NRXN3: variants seen among roughly 807,000 people sequenced by gnomAD.
NRXN3 encodes the protein neurexin III.
A neutral mutation model predicts 137.6 loss-of-function variants in NRXN3; 32 were observed. That is an observed-to-expected ratio of 0.23 (90% CI 0.18 to 0.31). The LOEUF (loss-of-function observed/expected upper bound fraction) is 0.31, where lower values mean the gene tolerates loss of function less well. Among genes scored for constraint, NRXN3 ranks in the 10% least tolerant of loss-of-function variants. The pLI is 1.00. For synonymous variants in NRXN3, 798 were observed against 784.5 expected (o/e 1.02, Z -0.29); for missense variants, 1,574 against 2,062.5 (o/e 0.76, Z 4.59).
chr14:78,601,602 G>A (rs149390329), intron 4 of NRXN3, among the ~76,000 whole-genome samples: 2,479 of 151,956 alleles, frequency 0.016, 41 homozygotes, highest in Non-Finnish European at 0.019. Flanking sequence ...ACAGGTACCC[G>A]CCACCACGCC....
chr14:79,769,380 C>T (rs1191971497), intron 19 of NRXN3, among the ~76,000 whole-genome samples: 3 of 151,854 alleles, frequency 2.0e-5, no homozygotes, highest in East Asian at 1.9e-4. Context: ...AGAGAAAGGT[C>T]GGGTTACCCT....
chr14:79,129,966 T>G (rs1197670003), intron 15 of NRXN3, among the ~76,000 whole-genome samples: 4 of 151,330 alleles, frequency 2.6e-5, no homozygotes, highest in Non-Finnish European at 5.9e-5. Context: ...TTTTGTTGGT[T>G]TAAAGTCTGT....
chr14:78,614,655 A>G (rs1040540114), intron 4 of NRXN3, among the ~76,000 whole-genome samples: 7 of 152,126 alleles, frequency 4.6e-5, no homozygotes, highest in Admixed American at 3.9e-4. Context: ...ATATACACAT[A>G]CAACTGTATC....
intron 8 of NRXN3, among the ~76,000 whole-genome samples, chr14:78,747,515 G>A (rs1286229103): frequency 1.3e-5 from 2 of 152,128 alleles, no homozygotes; most frequent in Non-Finnish European, 2.9e-5. Flanking sequence ...TATTTACAGA[G>A]CCCTGGTGCA....
chr14:79,193,853 T>G (rs2064767983), intron 15 of NRXN3, among the ~76,000 whole-genome samples: 3 of 152,248 alleles, frequency 2.0e-5, no homozygotes, highest in African/African-American at 4.8e-5. Context: ...AAGTATGGAA[T>G]AGTTTACCTC....
intron 2 of NRXN3, among the ~76,000 whole-genome samples, chr14:78,275,742 C>G (rs2052156775): frequency 6.6e-6 from 1 of 152,078 alleles, no homozygotes; most frequent in African/African-American, 2.4e-5. Flanking sequence ...CCTTGGAGCT[C>G]AAGTGGGAGT....
chr14:79,589,967 C>T (rs1425848319), intron 16 of NRXN3, among the ~76,000 whole-genome samples: 41 of 152,266 alleles, frequency 2.7e-4, no homozygotes, highest in Admixed American at 2.7e-3. Flanking sequence ...CTGGCAGAAA[C>T]ATGAGTAATA....
At chr14:79,048,501 C>T (rs2099636397) in intron 15 of NRXN3, among the ~76,000 whole-genome samples, 1 of 152,140 alleles carries the variant, frequency 6.6e-6, no homozygotes, top group Non-Finnish European at 1.5e-5. Context: ...GTTATGTTGA[C>T]ACTATTCTGT....
At chr14:78,392,374 A>G (rs2090897212) in intron 4 of NRXN3, among the ~76,000 whole-genome samples, 1 of 152,238 alleles carries the variant, frequency 6.6e-6, no homozygotes, top group Non-Finnish European at 1.5e-5. Context: ...ATAAGTGTTC[A>G]GAGAACAAGC....
intron 10 of NRXN3, among the ~76,000 whole-genome samples, chr14:78,875,887 A>G (rs2099112883): frequency 6.6e-6 from 1 of 152,124 alleles, no homozygotes; most frequent in Non-Finnish European, 1.5e-5. Context: ...AGGATTTCAC[A>G]CTTCTAAGGA....
chr14:79,419,710 C>T (rs915581048), intron 15 of NRXN3, among the ~76,000 whole-genome samples: 1 of 152,110 alleles, frequency 6.6e-6, no homozygotes, highest in Non-Finnish European at 1.5e-5. Context: ...TCAATTCCAG[C>T]TCAACCACTA....
chr14:79,681,106 T>C (rs1416460727), intron 17 of NRXN3, among the ~76,000 whole-genome samples: 1 of 152,180 alleles, frequency 6.6e-6, no homozygotes, highest in Non-Finnish European at 1.5e-5. Flanking sequence ...TGGTAATTCT[T>C]TCCTTAGAAA....
intron 16 of NRXN3, among the ~76,000 whole-genome samples, chr14:79,561,148 A>G (rs547185688): frequency 3.8e-4 from 58 of 152,280 alleles, no homozygotes; most frequent in African/African-American, 1.4e-3. Context: ...GAGAAGAGAG[A>G]AAGAAGCAGG....
chr14:79,620,048 G>C (rs1303269649), intron 16 of NRXN3, among the ~76,000 whole-genome samples: 2 of 152,078 alleles, frequency 1.3e-5, no homozygotes, highest in African/African-American at 4.8e-5. Flanking sequence ...TCTGGAGTTG[G>C]CTCCAGAAGT....
intron 1 of NRXN3, among the ~76,000 whole-genome samples, chr14:78,181,778 G>T (rs1038159095): frequency 4.5e-4 from 68 of 152,210 alleles, no homozygotes; most frequent in African/African-American, 1.6e-3. Context: ...TTCTAAAGCT[G>T]TCACAGAATA....
chr14:79,471,363 C>T (rs927421700), intron 16 of NRXN3, among the ~76,000 whole-genome samples: 3 of 152,200 alleles, frequency 2.0e-5, no homozygotes, highest in African/African-American at 7.2e-5. Context: ...ATGTCTGCCA[C>T]ATGTGCCGAT....
chr14:79,259,584 TATATAG>T, intron 15 of NRXN3, among the ~76,000 whole-genome samples: 1 of 148,232 alleles, frequency 6.7e-6, no homozygotes, highest in Non-Finnish European at 1.5e-5. Context: ...TATATAGCTA[TATATAG>T]AGTTATATAT....
At chr14:79,039,568 G>A (rs1209600663) in intron 15 of NRXN3, among the ~76,000 whole-genome samples, 1 of 152,094 alleles carries the variant, frequency 6.6e-6, no homozygotes, top group African/African-American at 2.4e-5. Context: ...ATGTTTGAGA[G>A]ATAAAAAGTT....
intron 16 of NRXN3, among the ~76,000 whole-genome samples, chr14:79,593,353 G>A (rs775411990): frequency 2.0e-5 from 3 of 152,092 alleles, no homozygotes; most frequent in Non-Finnish European, 4.4e-5. Context: ...TGAGAAGGCC[G>A]GGTGTGGTGG....
Sources: gnomAD v4.1 joint callset for allele counts (sites outside exome capture counted in the v4.1 genomes callset) on GRCh38, gnomAD v4.1.1 for gene constraint, MANE v1.5 for transcripts, NCBI Gene and HGNC (gene_info 2026-07-23, HGNC 2026-07-21) for gene names.